The following MAGED1 variants were observed in gnomAD, a reference collection of about 807,000 sequenced individuals.
The protein encoded by MAGED1 is MAGE family member D1.
In MAGED1, 3 loss-of-function variants were observed where a neutral mutation model predicts 54.1. That is an observed-to-expected ratio of 0.06 (90% CI 0.03 to 0.14). The LOEUF is 0.14. Ranked by LOEUF, MAGED1 falls within the 10% of genes least tolerant of loss-of-function variation. The pLI, the probability that MAGED1 is intolerant of heterozygous loss-of-function variation, is 1.00. For missense variants in MAGED1, 485 were observed against 623.4 expected, an observed-to-expected ratio of 0.78 and a Z score of 2.36; for synonymous variants, 217 against 227.3, an observed-to-expected ratio of 0.95 and a Z score of 0.41.
In MAGED1 at chrX:51,900,196, G is replaced by A; in HGVS notation, c.1859G>A (p.Arg620Lys). The change falls in exon 11 of 13, where the codon AGA becomes AAA. Residue 620 changes from arginine to lysine, a missense_variant. Physicochemically the swap from Arg to Lys is conservative, Grantham distance 26. Around this residue, in one of 2 missense-constraint regions of MAGED1, gnomAD observed 186 missense variants for 330.3 expected, o/e 0.56. Transcript: ENST00000326587. ...TGCTCTTTCAGATACCTGGACTACA[G>A]ACGAGTGCCCAACAGCAACCCCCCG... ...EFVKQKYLDY[R>K]RVPNSNPPEY... 1 of 1,205,402 alleles carries A rather than the reference G, an allele frequency of 8.3e-7. No individual in the cohort carries two copies. Among genetic ancestry groups the A allele is most frequent in the Non-Finnish European group, 1.1e-6 (1 of 890,743 alleles).
At chrX:51,858,129 A>G (rs1051668309) in intron 1 of MAGED1, 5 of 112,623 alleles carry the variant, frequency 4.4e-5, no homozygotes, top group Non-Finnish European at 9.4e-5. Context: ...AGAACTTTAC[A>G]TTGTTTAATC....
intron 1 of MAGED1, among the ~76,000 whole-genome samples, chrX:51,839,599 A>T (rs1176351029): frequency 8.9e-6 from 1 of 111,915 alleles, no homozygotes; most frequent in African/African-American, 3.2e-5. Context: ...TTAAGCTTGC[A>T]TTTTTTTCTA....
intron 10 of MAGED1, chrX:51,898,848 A>G: frequency 2.7e-6 from 1 of 368,699 alleles, no homozygotes; most frequent in Non-Finnish European, 4.6e-6. Context: ...ACAAAAAAAT[A>G]CAAAAATTAG....
At chrX:51,845,099 G>C (rs1336650612) in intron 1 of MAGED1, among the ~76,000 whole-genome samples, 1 of 110,930 alleles carries the variant, frequency 9.0e-6, no homozygotes, top group Non-Finnish European at 1.9e-5. Flanking sequence ...GGGCATGGTG[G>C]TGCGTGCCTG....
intron 1 of MAGED1, among the ~76,000 whole-genome samples, chrX:51,840,344 T>A (rs1557358350): frequency 9.1e-6 from 1 of 109,774 alleles, no homozygotes; most frequent in Non-Finnish European, 1.9e-5. Flanking sequence ...CCTTTTGGGG[T>A]CCTCAAAAAA....
At chrX:51,877,772 A>G (rs1227890168) in intron 1 of MAGED1, among the ~76,000 whole-genome samples, 1 of 112,108 alleles carries the variant, frequency 8.9e-6, no homozygotes, top group Non-Finnish European at 1.9e-5. Context: ...CAGATGTAGT[A>G]TATTAATTAC....
chrX:51,816,177 G>A (rs190846092), intron 1 of MAGED1, among the ~76,000 whole-genome samples: 159 of 108,841 alleles, frequency 1.5e-3, no homozygotes, highest in Admixed American at 4.9e-3. Flanking sequence ...GCAATGGTGC[G>A]ATCTCTGCTC....
At chrX:51,894,420 C>T in intron 2 of MAGED1, 71 bp downstream of exon 2, 1 of 1,013,465 alleles carries the variant, frequency 9.9e-7, no homozygotes. Context: ...CCTCTTTGGT[C>T]TCCCAAACGC....
chrX:51,824,156 T>C (rs1276445784), intron 1 of MAGED1, among the ~76,000 whole-genome samples: 1 of 111,995 alleles, frequency 8.9e-6, no homozygotes, highest in Non-Finnish European at 1.9e-5. Flanking sequence ...TGTCCTTTCC[T>C]TTCAGACTGA....
intron 1 of MAGED1, among the ~76,000 whole-genome samples, chrX:51,806,718 G>A (rs186066959): frequency 7.9e-4 from 88 of 111,170 alleles, no homozygotes; most frequent in Non-Finnish European, 8.1e-4. Flanking sequence ...CACAGGTTAT[G>A]TATAAGATTA....
intron 1 of MAGED1, among the ~76,000 whole-genome samples, chrX:51,832,620 A>G (rs1557357543): frequency 9.0e-6 from 1 of 111,502 alleles, no homozygotes; most frequent in Non-Finnish European, 1.9e-5. Context: ...GGGAAAGAGA[A>G]GGGAAAAGGT....
At chrX:51,817,518 G>A (rs990881339) in intron 1 of MAGED1, among the ~76,000 whole-genome samples, 23 of 111,894 alleles carry the variant, frequency 2.1e-4, no homozygotes, top group African/African-American at 4.9e-4. Context: ...CAGCCTTTCA[G>A]CCTCAGTTTG....
At chrX:51,828,730 G>A (rs782596958) in intron 1 of MAGED1, among the ~76,000 whole-genome samples, 36 of 111,254 alleles carry the variant, frequency 3.2e-4, no homozygotes, top group Admixed American at 5.7e-4. Context: ...ACAATTAGAG[G>A]TGCTCACATA....
At chrX:51,855,789 G>A (rs1569555788) in intron 1 of MAGED1, among the ~76,000 whole-genome samples, 1 of 111,227 alleles carries the variant, frequency 9.0e-6, no homozygotes, top group East Asian at 2.8e-4. Context: ...GCCTCCCAAA[G>A]TGCTAGGATT....
At chrX:51,851,141 A>G (rs1926877435) in intron 1 of MAGED1, among the ~76,000 whole-genome samples, 1 of 111,670 alleles carries the variant, frequency 9.0e-6, no homozygotes, top group Non-Finnish European at 1.9e-5. Flanking sequence ...TTGTGGATGG[A>G]CCTTAGGCAA....
chrX:51,849,937 A>C (rs1883325591), intron 1 of MAGED1, among the ~76,000 whole-genome samples: 1 of 111,191 alleles, frequency 9.0e-6, no homozygotes, highest in Non-Finnish European at 1.9e-5. Flanking sequence ...TTTCTGAAAT[A>C]ATCTCTTTTT....
chrX:51,892,561 C>G (rs782738478), upstream of MAGED1, among the ~76,000 whole-genome samples: 8 of 112,023 alleles, frequency 7.1e-5, no homozygotes, highest in South Asian at 3.0e-3. Flanking sequence ...AGAGTGGACC[C>G]CAAGGAGCAA....
intron 1 of MAGED1, among the ~76,000 whole-genome samples, chrX:51,852,874 G>C (rs1334068845): frequency 9.0e-6 from 1 of 111,442 alleles, no homozygotes; most frequent in Non-Finnish European, 1.9e-5. Context: ...TCGTTATGCT[G>C]GCAGAAATGG....
chrX:51,851,823 T>C (rs1926903580), intron 1 of MAGED1, among the ~76,000 whole-genome samples: 1 of 111,395 alleles, frequency 9.0e-6, no homozygotes, highest in South Asian at 3.8e-4. Context: ...TTCTGGAATT[T>C]CCCATTTAAT....
Sources: gnomAD v4.1 joint callset for allele counts (sites outside exome capture counted in the v4.1 genomes callset) on GRCh38, gnomAD v4.1.1 for gene constraint, gnomAD v4.1.1 regional missense constraint, MANE v1.5 for transcripts, NCBI Gene and HGNC (gene_info 2026-07-23, HGNC 2026-07-21) for gene names.